Variants in PAPPA2 observed in about 807,000 individuals in gnomAD.
The protein encoded by PAPPA2 is pappalysin 2.
Under a neutral mutation model 176.4 loss-of-function variants are expected in PAPPA2, and 86 were observed. The ratio of observed to expected loss-of-function variants is 0.49; its 90% confidence interval spans 0.41 to 0.58. The LOEUF is 0.58. PAPPA2 is among the 20% of genes least tolerant of loss of function. The pLI, the probability that PAPPA2 is intolerant of heterozygous loss-of-function variation, is 0.00. For synonymous variants in PAPPA2, 809 were observed against 852.2 expected, an observed-to-expected ratio of 0.95 and a Z score of 0.88; for missense variants, 2,073 against 2,256.9, an observed-to-expected ratio of 0.92 and a Z score of 1.65.
chr1:176,590,055 A>T (rs1196116793), intron 2 of PAPPA2, among the ~76,000 whole-genome samples: 1 of 152,220 alleles, frequency 6.6e-6, no homozygotes, highest in South Asian at 2.1e-4. Flanking sequence ...TGGGATGGAC[A>T]CATTTTGTTC....
chr1:176,561,894 A>G (rs1651695891), intron 2 of PAPPA2, among the ~76,000 whole-genome samples: 1 of 152,230 alleles, frequency 6.6e-6, no homozygotes, highest in Admixed American at 6.5e-5. Flanking sequence ...CTGAAGGTGA[A>G]TGAGGAGGAA....
chr1:176,694,345 A>G (rs1056571244), intron 6 of PAPPA2, among the ~76,000 whole-genome samples: 1 of 152,234 alleles, frequency 6.6e-6, no homozygotes, highest in Non-Finnish European at 1.5e-5. Flanking sequence ...AAAGGAATTA[A>G]GGAACTTGTT....
rs898634837 is a variant in PAPPA2, at chr1:176,699,220, T to C, written c.2867T>C (p.Leu956Pro). ...CPTEGCSLEL[L>P]FQHPVQADTL... ...ACAGAAGGCTGTAGCTTGGAGCTGC[T>C]CTTCCAACACCCGGTCCAAGCCGAC... is the stretch of plus-strand genomic sequence containing the variant. The change falls in exon 8 of 23, where the codon CTC becomes CCC. Residue 956 changes from leucine to proline, a missense_variant. Leu to Pro is a moderately conservative substitution (Grantham distance 98, BLOSUM62 -3). Transcript: ENST00000367662. 5 of 1,614,034 alleles carry C rather than the reference T, an allele frequency of 3.1e-6. No homozygotes were observed. The highest frequency in any genetic ancestry group is 4.2e-6 in the Non-Finnish European group (5 of 1,180,020).
intron 1 of PAPPA2, among the ~76,000 whole-genome samples, chr1:176,495,558 GA>G (rs1647561959): frequency 6.7e-6 from 1 of 149,200 alleles, no homozygotes; most frequent in Non-Finnish European, 1.5e-5. Context: ...AAAAAGAAAA[GA>G]AAAAAAGAAA....
At chr1:176,501,232 G>C (rs1392559601) in intron 1 of PAPPA2, among the ~76,000 whole-genome samples, 2 of 151,886 alleles carry the variant, frequency 1.3e-5, no homozygotes, top group Non-Finnish European at 1.5e-5. Flanking sequence ...TTTTCTAACA[G>C]CTTTGTTATC....
intron 1 of PAPPA2, among the ~76,000 whole-genome samples, chr1:176,488,762 G>T (rs530779214): frequency 3.9e-5 from 6 of 152,196 alleles, no homozygotes; most frequent in South Asian, 4.1e-4. Flanking sequence ...AGACGCAAAG[G>T]TTTGGTTCCT....
chr1:176,545,484 A>G (rs1650585410), intron 1 of PAPPA2, among the ~76,000 whole-genome samples: 2 of 152,042 alleles, frequency 1.3e-5, no homozygotes, highest in South Asian at 4.1e-4. Flanking sequence ...GAAACTGTGC[A>G]TGATTTTTTT....
chr1:176,844,123 GT>G lies in PAPPA2; in HGVS notation c.*1672del, dbSNP rs1557908833. On this transcript the variant is annotated 3_prime_UTR_variant, in exon 23 of 23. Transcript: ENST00000367662. Reference sequence around the variant, plus strand: ...CCTAGGGAAAGTGAGTAAGGAGCCAGTTTCTGTTTAACATTCTAGTTTTACT... The same window carrying G: ...CCTAGGGAAAGTGAGTAAGGAGCCAGTTCTGTTTAACATTCTAGTTTTACT... 1.3e-5 allele frequency: 2 copies of G among 151,300 alleles called. No homozygotes were observed. The highest frequency in any genetic ancestry group is 2.4e-5 in the African/African-American group (1 of 41,064). The allele number at this position is 151,300 out of a possible 1,614,324, so 9.4% of individuals were successfully genotyped here. A position where few individuals can be genotyped will look rare whatever the true frequency, so the allele number is the denominator to read the frequency against.
At chr1:176,822,779 A>T (rs1666714378) in intron 21 of PAPPA2, among the ~76,000 whole-genome samples, 2 of 152,188 alleles carry the variant, frequency 1.3e-5, no homozygotes, top group South Asian at 4.1e-4. Flanking sequence ...ATTATTATGA[A>T]ATTTGATCTT....
chr1:176,699,243 G>A lies in PAPPA2; in HGVS notation c.2890G>A (p.Asp964Asn), dbSNP rs201513629. Residue 964 changes from aspartate to asparagine, a missense_variant, in exon 8 of 23, where the codon GAC becomes AAC. Coordinates refer to ENST00000367662, the MANE Select transcript of PAPPA2 (RefSeq NM_020318.3). Reference sequence around the variant, plus strand: ...GCTCTTCCAACACCCGGTCCAAGCCGACACCCTCACCCTGTGGGTCACTTC... The same window carrying A: ...GCTCTTCCAACACCCGGTCCAAGCCAACACCCTCACCCTGTGGGTCACTTC... ...ELLFQHPVQADTLTLWVTSFF... is the reference protein window; with the variant it reads ...ELLFQHPVQANTLTLWVTSFF... 6.6e-5 allele frequency: 107 copies of A among 1,614,100 alleles called. No individual in the cohort carries two copies. Among genetic ancestry groups the A allele is most frequent in the South Asian group, 2.2e-4 (20 of 91,080 alleles).
intron 1 of PAPPA2, among the ~76,000 whole-genome samples, chr1:176,548,625 C>T (rs762063264): frequency 1.3e-4 from 19 of 151,970 alleles, no homozygotes; most frequent in East Asian, 3.9e-4. Context: ...TCTGGAAACG[C>T]GCAGTTCTTT....
chr1:176,830,077 T>C (rs1255469532), intron 21 of PAPPA2, among the ~76,000 whole-genome samples: 1 of 152,130 alleles, frequency 6.6e-6, no homozygotes, highest in Non-Finnish European at 1.5e-5. Context: ...AGGGACAAGA[T>C]AGGGGAAATA....
At chr1:176,623,180 G>A (rs6701132) in intron 3 of PAPPA2, among the ~76,000 whole-genome samples, 75,874 of 151,928 alleles carry the variant, frequency 0.5, 20,872 homozygotes, top group African/African-American at 0.73. Context: ...ATTTTGTTCC[G>A]TTTATTATTA....
At chr1:176,785,200 C>T (rs1664883137) in intron 17 of PAPPA2, among the ~76,000 whole-genome samples, 1 of 152,140 alleles carries the variant, frequency 6.6e-6, no homozygotes, top group Admixed American at 6.5e-5. Flanking sequence ...CTCTAAATTC[C>T]TGGCACAATC....
intron 14 of PAPPA2, among the ~76,000 whole-genome samples, chr1:176,741,225 G>C (rs1439606593): frequency 6.6e-6 from 1 of 152,164 alleles, no homozygotes; most frequent in Non-Finnish European, 1.5e-5. Flanking sequence ...GTTGTAGTCA[G>C]GCTGTTGGCC....
intron 14 of PAPPA2, among the ~76,000 whole-genome samples, chr1:176,764,484 A>G (rs973773701): frequency 2.6e-5 from 4 of 152,258 alleles, no homozygotes; most frequent in African/African-American, 9.6e-5. Flanking sequence ...CACAGATGTT[A>G]AATGATGGGT....
intron 2 of PAPPA2, among the ~76,000 whole-genome samples, chr1:176,574,515 TTGAC>T (rs1193240302): frequency 6.6e-6 from 1 of 152,166 alleles, no homozygotes; most frequent in Non-Finnish European, 1.5e-5. Flanking sequence ...AAATTTTCAA[TTGAC>T]TGCTGGGCAG....
intron 14 of PAPPA2, among the ~76,000 whole-genome samples, chr1:176,753,640 A>G (rs1043142021): frequency 7.7e-6 from 1 of 129,512 alleles, no homozygotes; most frequent in East Asian, 2.2e-4. Flanking sequence ...TATTTTTATC[A>G]TAAGGTTTCC....
At chr1:176,541,575 A>G (rs890520580) in intron 1 of PAPPA2, among the ~76,000 whole-genome samples, 1 of 152,192 alleles carries the variant, frequency 6.6e-6, no homozygotes, top group African/African-American at 2.4e-5. Context: ...CCACTGAATA[A>G]ATTTTCCTGC....
Sources: gnomAD v4.1 joint callset for allele counts (sites outside exome capture counted in the v4.1 genomes callset) on GRCh38, gnomAD v4.1.1 for gene constraint, MANE v1.5 for transcripts, NCBI Gene and HGNC (gene_info 2026-07-23, HGNC 2026-07-21) for gene names.